Variants in RASEF observed in about 807,000 individuals in gnomAD.
RASEF encodes the protein ras and EF-hand domain-containing protein.
RASEF carries 68 observed loss-of-function variants against 90.1 expected under a neutral mutation model. That is an observed-to-expected ratio of 0.75 (90% CI 0.62 to 0.92). The LOEUF (loss-of-function observed/expected upper bound fraction) is 0.92, where lower values mean the gene tolerates loss of function less well. RASEF is among the 40% of genes least tolerant of loss of function. RASEF has a pLI of 0.00. For synonymous variants in RASEF, 331 were observed against 345.2 expected (o/e 0.96, Z 0.46); for missense variants, 949 against 937.2 (o/e 1.01, Z -0.16).
chr9:83,015,111 T>C (rs927778358), intron 4 of RASEF, among the ~76,000 whole-genome samples: 3 of 152,184 alleles, frequency 2.0e-5, no homozygotes, highest in African/African-American at 7.2e-5. Flanking sequence ...AAGAGCAATA[T>C]TCATTTCATT....
At chr9:82,988,397 A>G (rs1283219386) in intron 16 of RASEF, among the ~76,000 whole-genome samples, 1 of 152,202 alleles carries the variant, frequency 6.6e-6, no homozygotes, top group East Asian at 1.9e-4. Context: ...AACATACAAA[A>G]AAACACACAA....
At chr9:83,123,609 G>A in the RASEF span, among the ~76,000 whole-genome samples, 1 of 129,194 alleles carries the variant, frequency 7.7e-6, no homozygotes, top group Non-Finnish European at 1.7e-5. Context: ...TCCAACAGAT[G>A]CTTCCCTCCT....
the RASEF span, among the ~76,000 whole-genome samples, chr9:83,213,225 C>T: frequency 6.6e-6 from 1 of 151,494 alleles, no homozygotes; most frequent in African/African-American, 2.4e-5. Context: ...CATGGTGAAA[C>T]CCCATCTCTA....
chr9:83,017,472 C>T (rs1321059465), intron 3 of RASEF, among the ~76,000 whole-genome samples: 5 of 151,560 alleles, frequency 3.3e-5, no homozygotes, highest in Admixed American at 3.3e-4. Context: ...AGCACTCCAG[C>T]CTGGGCGACA....
the RASEF span, among the ~76,000 whole-genome samples, chr9:83,177,326 T>C: frequency 3.9e-5 from 6 of 152,302 alleles, no homozygotes; most frequent in East Asian, 1.2e-3. Context: ...AACCTAAAAC[T>C]ATCTAGAGTC....
Position 83,062,627 on chromosome 9 carries a change from G to A in RASEF, c.241C>T (p.Arg81Trp), listed in dbSNP as rs543337050. ...FLGSLRGGRR[R>W]DWGPLDPAPA... is the part of the protein sequence containing the mutation. ...GCGGGATCCAGAGGACCCCAGTCCCGGCGCCGCCCCCCGCGGAGGGACCCG... is the reference window on the plus strand; with the variant it reads ...GCGGGATCCAGAGGACCCCAGTCCCAGCGCCGCCCCCCGCGGAGGGACCCG... Residue 81 changes from arginine to tryptophan, a missense_variant, in exon 1 of 17, where the codon CGG becomes TGG. Coordinates refer to ENST00000376447, the MANE Select transcript of RASEF (RefSeq NM_152573.4). 1 of 1,553,410 alleles carries A rather than the reference G, an allele frequency of 6.4e-7. No homozygotes were observed.
At chr9:83,140,562 G>A in the RASEF span, among the ~76,000 whole-genome samples, 5 of 152,048 alleles carry the variant, frequency 3.3e-5, no homozygotes, top group Non-Finnish European at 5.9e-5. Context: ...TACCTTAGTG[G>A]ACAGTGAGAG....
chr9:83,141,075 G>A, the RASEF span, among the ~76,000 whole-genome samples: 3 of 150,610 alleles, frequency 2.0e-5, no homozygotes, highest in African/African-American at 4.9e-5. Flanking sequence ...CCTGGGAGGC[G>A]GAGGCTGCAG....
Position 82,981,869 on chromosome 9 carries a change from G to C in RASEF, c.*808C>G, listed in dbSNP as rs997957913. 6.6e-6 allele frequency: 1 copy of C among 152,142 alleles called. No individual in the cohort carries two copies. Among genetic ancestry groups the C allele is most frequent in the African/African-American group, 2.4e-5 (1 of 41,430 alleles). 9.4% of individuals were successfully genotyped at this position (152,142 alleles called of 1,614,324 possible). ...TATGTGGCTTTACATGTTTCCATTAGAATTTTTAACACCAAATTCAAGCAG... is the reference window on the plus strand; with the variant it reads ...TATGTGGCTTTACATGTTTCCATTACAATTTTTAACACCAAATTCAAGCAG... On this transcript the variant is annotated 3_prime_UTR_variant, in exon 17 of 17. Coordinates refer to ENST00000376447, the MANE Select transcript of RASEF (RefSeq NM_152573.4).
the RASEF span, among the ~76,000 whole-genome samples, chr9:83,210,936 G>A: frequency 1.3e-5 from 2 of 152,150 alleles, no homozygotes; most frequent in Non-Finnish European, 2.9e-5. Flanking sequence ...CAACCTAATA[G>A]TCCATCATCC....
chr9:83,149,027 C>T, the RASEF span, among the ~76,000 whole-genome samples: 24,539 of 152,240 alleles, frequency 0.16, 2,058 homozygotes, highest in East Asian at 0.23. Flanking sequence ...TGACAAGCCA[C>T]AGCAACCACC....
At chr9:83,200,500 C>T in the RASEF span, among the ~76,000 whole-genome samples, 2 of 152,194 alleles carry the variant, frequency 1.3e-5, no homozygotes, top group African/African-American at 4.8e-5. Flanking sequence ...GGTCCTTTCC[C>T]AGATCAACTC....
At chr9:83,216,680 A>G in the RASEF span, among the ~76,000 whole-genome samples, 20,587 of 152,234 alleles carry the variant, frequency 0.14, 1,543 homozygotes, top group East Asian at 0.19. Context: ...GCCCCCACAC[A>G]GAGTCCCCAC....
chr9:83,170,509 G>A, the RASEF span, among the ~76,000 whole-genome samples: 2 of 151,810 alleles, frequency 1.3e-5, no homozygotes, highest in Non-Finnish European at 2.9e-5. Flanking sequence ...ATATCTCTTT[G>A]TGTAGTATGG....
the RASEF span, among the ~76,000 whole-genome samples, chr9:83,108,990 C>T: frequency 1.3e-5 from 2 of 152,160 alleles, no homozygotes; most frequent in Non-Finnish European, 2.9e-5. Flanking sequence ...CAGTCTCTAG[C>T]ATCAATATTG....
At chr9:83,204,330 A>T in the RASEF span, among the ~76,000 whole-genome samples, 1 of 152,060 alleles carries the variant, frequency 6.6e-6, no homozygotes, top group Non-Finnish European at 1.5e-5. Flanking sequence ...CAAAGTTTGG[A>T]GTCCTGTGAA....
chr9:83,049,193 C>A (rs2118676044), intron 1 of RASEF: 3 of 396,236 alleles, frequency 7.6e-6, no homozygotes, highest in Admixed American at 6.5e-5. Flanking sequence ...ACATATTACA[C>A]TTAACTATGA....
the RASEF span, among the ~76,000 whole-genome samples, chr9:83,164,248 A>C: frequency 6.7e-6 from 1 of 150,220 alleles, no homozygotes; most frequent in African/African-American, 2.4e-5. Context: ...GATAAAATAA[A>C]ATTTTATTTT....
At chr9:83,089,084 C>A in the RASEF span, among the ~76,000 whole-genome samples, 63,070 of 151,598 alleles carry the variant, frequency 0.42, 13,351 homozygotes, top group East Asian at 0.61. Context: ...ATTTTCTAAG[C>A]AATTGCTCTA....
Sources: gnomAD v4.1 joint callset for allele counts (sites outside exome capture counted in the v4.1 genomes callset) on GRCh38, gnomAD v4.1.1 for gene constraint, MANE v1.5 for transcripts, NCBI Gene and HGNC (gene_info 2026-07-23, HGNC 2026-07-21) for gene names.